Variants in TFDP1 observed in about 807,000 individuals in gnomAD.
The protein encoded by TFDP1 is transcription factor Dp-1, also known as DRTF1-polypeptide 1.
Under a neutral mutation model 48.0 loss-of-function variants are expected in TFDP1, and 6 were observed. The observed-to-expected ratio is 0.13, with a 90% CI of 0.07 to 0.25. The LOEUF (loss-of-function observed/expected upper bound fraction) is 0.25, where lower values mean the gene tolerates loss of function less well. TFDP1 is among the 10% of genes least tolerant of loss of function. The pLI is 1.00. For missense variants in TFDP1, 335 were observed against 543.0 expected (o/e 0.62, Z 3.81); for synonymous variants, 201 against 211.6 (o/e 0.95, Z 0.44).
At chr13:113,590,695 G>A (rs762331509) in intron 2 of TFDP1, among the ~76,000 whole-genome samples, 1 of 152,070 alleles carries the variant, frequency 6.6e-6, no homozygotes, top group African/African-American at 2.4e-5. Flanking sequence ...GAGAAACTCT[G>A]AAGGGATATT....
intron 3 of TFDP1, among the ~76,000 whole-genome samples, chr13:113,617,645 C>T (rs915730425): frequency 2.6e-5 from 4 of 151,768 alleles, no homozygotes; most frequent in Non-Finnish European, 5.9e-5. Flanking sequence ...CAGAGCCGCT[C>T]ACCTGCAGAG....
chr13:113,619,958 G>A (rs2048958217), intron 3 of TFDP1, among the ~76,000 whole-genome samples: 1 of 152,158 alleles, frequency 6.6e-6, no homozygotes, highest in African/African-American at 2.4e-5. Context: ...AAGCTCAGGG[G>A]CCCTGGATGT....
At chr13:113,612,840 T>A (rs1266375263) in intron 3 of TFDP1, among the ~76,000 whole-genome samples, 1 of 152,226 alleles carries the variant, frequency 6.6e-6, no homozygotes, top group African/African-American at 2.4e-5. Context: ...ATGTTCTGGT[T>A]TTGAGCCGGC....
chr13:113,591,778 C>T (rs1426738548), intron 2 of TFDP1, among the ~76,000 whole-genome samples: 2 of 152,162 alleles, frequency 1.3e-5, no homozygotes, highest in African/African-American at 2.4e-5. Flanking sequence ...GCTTAGACTA[C>T]GTGTGGGGAT....
At chr13:113,614,227 CGTGT>C (rs546011484) in intron 3 of TFDP1, among the ~76,000 whole-genome samples, 6 of 150,112 alleles carry the variant, frequency 4.0e-5, no homozygotes, top group East Asian at 2.0e-4. Context: ...GATGTGTGTG[CGTGT>C]GTGAGTTGAG....
intron 3 of TFDP1, 76 bp downstream of exon 3, chr13:113,611,138 G>A (rs896343482): frequency 8.0e-6 from 11 of 1,382,672 alleles, no homozygotes; most frequent in East Asian, 6.9e-5. Context: ...AGCTGTTGAC[G>A]CTGAAGCCTC....
intron 2 of TFDP1, among the ~76,000 whole-genome samples, chr13:113,609,270 A>G (rs1036976178): frequency 5.9e-5 from 9 of 152,044 alleles, no homozygotes; most frequent in Non-Finnish European, 1.0e-4. Context: ...GGCCAGTGGG[A>G]TGCAGCCCCC....
At chr13:113,610,157 G>A (rs948172080) in intron 2 of TFDP1, among the ~76,000 whole-genome samples, 1 of 150,728 alleles carries the variant, frequency 6.6e-6, no homozygotes, top group African/African-American at 2.5e-5. Context: ...TGCCCCTGCT[G>A]TGTGGCTATA....
chr13:113,588,531 TG>T (rs762478747), intron 2 of TFDP1, among the ~76,000 whole-genome samples: 5 of 152,172 alleles, frequency 3.3e-5, no homozygotes, highest in Non-Finnish European at 7.4e-5. Context: ...GTCAGTCCTC[TG>T]GGGGTGTCAT....
At position 113,623,366 on chromosome 13, in the gene TFDP1, C is replaced by A. The variant is rs2049043622; in HGVS notation, c.186+80C>A. ...ATGAGCCGTGTGGTTGGGGATGTTC[C>A]CAGGTGTGCCTGGATTTGGGCTCCA... is the stretch of plus-strand genomic sequence containing the variant. On this transcript the variant is annotated intron_variant, in intron 4 of 11. Transcript: ENST00000375370. The surrounding 1 kb of genome is among the most constrained non-coding windows in gnomAD (Gnocchi z 5.2). 7 of 1,361,550 alleles carry A rather than the reference C, an allele frequency of 5.1e-6. No homozygotes were observed. Among genetic ancestry groups the A allele is most frequent in the Non-Finnish European group, 7.1e-6 (7 of 988,528 alleles). The allele number at this position is 1,361,550 out of a possible 1,614,324, so 84.3% of individuals were successfully genotyped here.
chr13:113,633,017 T>A lies in TFDP1; in HGVS notation c.309-103T>A. The A allele has an allele frequency of 6.8e-7, 1 of 1,471,410 alleles. No homozygotes were observed. Among genetic ancestry groups the A allele is most frequent in the Non-Finnish European group, 9.2e-7 (1 of 1,082,140 alleles). 91.1% of individuals were successfully genotyped at this position (1,471,410 alleles called of 1,614,324 possible). On this transcript the variant is annotated intron_variant, in intron 5 of 11. Transcript: ENST00000375370. The surrounding 1 kb of genome is among the most constrained non-coding windows in gnomAD (Gnocchi z 4.5). ...TGCTGCGCCCGTGGGACGTGGCCCC[T>A]TTTTGTGCAGCTCATTAGAGCTCTC...
Position 113,600,205 on chromosome 13 carries a change from C to T in TFDP1, c.13-10791C>T, listed in dbSNP as rs112813164. 1.8e-3 allele frequency among the ~76,000 whole-genome samples: 256 copies of T among 146,164 alleles called. 2 individuals carry two copies. The highest frequency in any genetic ancestry group is 7.8e-3 in the Middle Eastern group (2 of 258). ...ATCCTTGCACGTAGGGCTCCAGGAC[C>T]GTGAGAGAGAACCCTCGTGCTTAGG... On this transcript the variant is annotated intron_variant, in intron 2 of 11. Transcript: ENST00000375370.
chr13:113,603,043 A>T (rs1392049559), intron 2 of TFDP1, among the ~76,000 whole-genome samples: 1 of 151,934 alleles, frequency 6.6e-6, no homozygotes, highest in East Asian at 1.9e-4. Context: ...GACCACATGC[A>T]GCCTGCAGGA....
intron 1 of TFDP1, chr13:113,585,422 G>T (rs1021685399): frequency 6.3e-6 from 1 of 158,614 alleles, no homozygotes; most frequent in African/African-American, 2.4e-5. Context: ...CCGGGGCTGT[G>T]CCCAGGTGGG....
Position 113,636,111 on chromosome 13 carries a change from C to T in TFDP1, c.822C>T (p.Cys274=), listed in dbSNP as rs766775142. 1 of 1,614,224 alleles carries T rather than the reference C, an allele frequency of 6.2e-7. No homozygotes were observed. The highest frequency in any genetic ancestry group is 1.3e-5 in the African/African-American group (1 of 75,074). Reference sequence around the variant, plus strand: ...CCAGCAAGAAGACGGTCATCGACTGCAGCATCTCCAATGACAAGTAGGTTG... The same window carrying T: ...CCAGCAAGAAGACGGTCATCGACTGTAGCATCTCCAATGACAAGTAGGTTG... ...VNTSKKTVID[C]SISNDKFEYL... Residue 274 remains cysteine, a synonymous_variant, in exon 9 of 12, where the codon TGC becomes TGT. Transcript: ENST00000375370.
At chr13:113,591,066 C>T (rs1418058779) in intron 2 of TFDP1, among the ~76,000 whole-genome samples, 1 of 149,358 alleles carries the variant, frequency 6.7e-6, no homozygotes, top group African/African-American at 2.5e-5. Context: ...AAAGTTTTGC[C>T]CCTGCTGGGC....
At chr13:113,625,590 T>C (rs375902459) in intron 4 of TFDP1, among the ~76,000 whole-genome samples, 17 of 100,630 alleles carry the variant, frequency 1.7e-4, no homozygotes, top group Middle Eastern at 7.0e-3. Context: ...GTTTCTCAGG[T>C]GTCTCTCACG....
In TFDP1 at chr13:113,636,520, C is replaced by A. The variant is rs192865307; in HGVS notation, c.840-14C>A. 215 of 1,612,330 alleles carry A rather than the reference C, an allele frequency of 1.3e-4. 1 individual carries two copies. The East Asian group carries it at 4.1e-3, about 31-fold the overall frequency. On this transcript the variant is annotated splice_polypyrimidine_tract_variant and intron_variant, in intron 9 of 11. Coordinates refer to ENST00000375370, the MANE Select transcript of TFDP1 (RefSeq NM_007111.5). ...GGGAGACCCTGTCTTTCTGACTGTG[C>A]CTTTCCCCTTCAGATTTGAGTATCT...
chr13:113,603,083 T>C (rs1004867114), intron 2 of TFDP1, among the ~76,000 whole-genome samples: 3 of 152,066 alleles, frequency 2.0e-5, no homozygotes, highest in African/African-American at 7.3e-5. Context: ...GTTTATACTC[T>C]AGTGGGGAGC....
Sources: gnomAD v4.1 joint callset for allele counts (sites outside exome capture counted in the v4.1 genomes callset) on GRCh38, gnomAD v4.1.1 for gene constraint, Gnocchi (gnomAD v3.1) non-coding constraint, MANE v1.5 for transcripts, NCBI Gene and HGNC (gene_info 2026-07-23, HGNC 2026-07-21) for gene names.